Variants in WDR70 observed in about 807,000 individuals in gnomAD.
The protein encoded by WDR70 is WD repeat domain 70, also known as WD repeat-containing protein 70.
A neutral mutation model predicts 88.6 loss-of-function variants in WDR70; 53 were observed. The ratio of observed to expected loss-of-function variants is 0.60; its 90% CI spans 0.48 to 0.75. WDR70 has a LOEUF of 0.75. Among genes scored for constraint, WDR70 ranks in the 30% least tolerant of loss-of-function variants. The pLI is 0.00. For missense variants in WDR70, 610 were observed against 823.2 expected (o/e 0.74, Z 3.17); for synonymous variants, 280 against 270.0 (o/e 1.04, Z -0.36).
intron 9 of WDR70, among the ~76,000 whole-genome samples, chr5:37,524,819 G>A (rs958362986): frequency 2.0e-5 from 3 of 151,968 alleles, no homozygotes; most frequent in Non-Finnish European, 4.4e-5. Context: ...AAAAAGGTAG[G>A]GGTTGGAATC....
Position 37,479,901 on chromosome 5 carries a change from C to T in WDR70, c.754C>T (p.Gln252Ter). Residue 252 changes from glutamine (Q) to a stop codon, truncating the protein, a stop_gained, in exon 8 of 18, where the codon CAG becomes TAG. Transcript: ENST00000265107. LOFTEE classifies it high-confidence loss of function. ...GATTCTTGTTGTATCTGGAAGCTCT[C>T]AGGCCAAGGTGATTGACAGAGATGG... ...DMILVVSGSS[Q>*]AKVIDRDGFE... The T allele has an allele frequency of 6.2e-7, 1 of 1,614,126 alleles. No homozygotes were observed. Among genetic ancestry groups the T allele is most frequent in the Non-Finnish European group, 8.5e-7 (1 of 1,180,016 alleles).
chr5:37,408,221 C>T (rs1374264166), intron 5 of WDR70, among the ~76,000 whole-genome samples: 1 of 151,948 alleles, frequency 6.6e-6, no homozygotes, highest in African/African-American at 2.4e-5. Context: ...CCTGTAATCC[C>T]AGCACTTTGG....
At chr5:37,575,489 G>A (rs1743026366) in intron 9 of WDR70, among the ~76,000 whole-genome samples, 1 of 152,128 alleles carries the variant, frequency 6.6e-6, no homozygotes, top group African/African-American at 2.4e-5. Context: ...CATCCTCCAG[G>A]GAGAGGAGTG....
chr5:37,685,032 A>G (rs1162141008), intron 10 of WDR70, among the ~76,000 whole-genome samples: 1 of 152,060 alleles, frequency 6.6e-6, no homozygotes, highest in East Asian at 1.9e-4. Flanking sequence ...GTGCATGTTC[A>G]TGCAGCCAGG....
intron 5 of WDR70, among the ~76,000 whole-genome samples, chr5:37,419,259 T>C (rs990530042): frequency 2.7e-5 from 4 of 150,814 alleles, no homozygotes; most frequent in African/African-American, 9.8e-5. Flanking sequence ...CAGGCTGGAG[T>C]GCAGTGGCGC....
chr5:37,472,216 C>T (rs995403059), intron 7 of WDR70, among the ~76,000 whole-genome samples: 3 of 151,984 alleles, frequency 2.0e-5, no homozygotes, highest in Admixed American at 6.5e-5. Flanking sequence ...TTTGCATACA[C>T]TTGCATAAGT....
intron 4 of WDR70, among the ~76,000 whole-genome samples, chr5:37,394,102 C>G (rs537617122): frequency 6.6e-6 from 1 of 151,754 alleles, no homozygotes; most frequent in Non-Finnish European, 1.5e-5. Flanking sequence ...GTCAGGAGTT[C>G]GAGACCAGCC....
At chr5:37,679,031 T>C (rs1468122183) in intron 10 of WDR70, among the ~76,000 whole-genome samples, 2 of 152,278 alleles carry the variant, frequency 1.3e-5, no homozygotes, top group African/African-American at 4.8e-5. Context: ...CATCAGCTCC[T>C]GAGGCTTCTG....
intron 10 of WDR70, among the ~76,000 whole-genome samples, chr5:37,693,775 T>C (rs1347782854): frequency 5.3e-5 from 8 of 152,008 alleles, no homozygotes; most frequent in Admixed American, 2.0e-4. Flanking sequence ...CTAGGCAATA[T>C]CATTCAGGAC....
At chr5:37,562,332 G>A (rs1742531952) in intron 9 of WDR70, among the ~76,000 whole-genome samples, 1 of 152,184 alleles carries the variant, frequency 6.6e-6, no homozygotes, top group Admixed American at 6.5e-5. Context: ...CTCCAGCCTG[G>A]CTGACAGAGT....
At chr5:37,407,245 C>T (rs899109749) in intron 5 of WDR70, among the ~76,000 whole-genome samples, 7 of 151,972 alleles carry the variant, frequency 4.6e-5, no homozygotes, top group African/African-American at 7.3e-5. Context: ...TAAGTCAGGC[C>T]GGTGTAGTGT....
intron 10 of WDR70, among the ~76,000 whole-genome samples, chr5:37,606,811 A>G (rs149316033): frequency 0.011 from 1,684 of 151,886 alleles, 39 homozygotes; most frequent in African/African-American, 0.039. Context: ...AAACAAATCA[A>G]GTTGAAAAGA....
At chr5:37,653,964 G>C (rs866994602) in intron 10 of WDR70, among the ~76,000 whole-genome samples, 4 of 152,004 alleles carry the variant, frequency 2.6e-5, no homozygotes, top group Non-Finnish European at 4.4e-5. Context: ...TCTGATCTTA[G>C]TTATTTCTGG....
At position 37,726,922 on chromosome 5, in the gene WDR70, C is replaced by T. The variant is rs1178685766; in HGVS notation, c.1754C>T (p.Ser585Phe). 2.5e-6 allele frequency: 4 copies of T among 1,604,760 alleles called. No individual in the cohort carries two copies. Among genetic ancestry groups the T allele is most frequent in the Non-Finnish European group, 3.4e-6 (4 of 1,177,146 alleles). The change falls in exon 17 of 18, where the codon TCT becomes TTT. Residue 585 changes from serine (S) to phenylalanine (F), a missense_variant. Transcript: ENST00000265107. ...GRVGTHGGTL[S>F]SYIVKNIALD... ...GTTGGAACCCACGGGGGCACTCTCTCTTCCTATATTGTGAAGAACATTGCT... is the reference window on the plus strand; with the variant it reads ...GTTGGAACCCACGGGGGCACTCTCTTTTCCTATATTGTGAAGAACATTGCT...
chr5:37,534,000 T>C (rs917665432), intron 9 of WDR70, among the ~76,000 whole-genome samples: 1 of 152,170 alleles, frequency 6.6e-6, no homozygotes, highest in African/African-American at 2.4e-5. Flanking sequence ...GCAGTGGTGA[T>C]CCAGTTACCT....
In WDR70 at chr5:37,695,568, A is replaced by C. The variant is rs190851850; in HGVS notation, c.1093-2087A>C. On this transcript the variant is annotated intron_variant, in intron 10 of 17. Transcript: ENST00000265107. ...TCTTTCAAGCTCATTGGTTGTTGGCAGGACTCAGATCCCTGTTTCCTTGAC... is the reference window on the plus strand; with the variant it reads ...TCTTTCAAGCTCATTGGTTGTTGGCCGGACTCAGATCCCTGTTTCCTTGAC... 1.2e-3 allele frequency among the ~76,000 whole-genome samples: 187 copies of C among 152,294 alleles called. 1 individual carries two copies. The highest frequency in any genetic ancestry group is 1.6e-3 in the Non-Finnish European group (110 of 68,018).
At chr5:37,576,225 A>G (rs774560200) in intron 9 of WDR70, among the ~76,000 whole-genome samples, 6 of 148,600 alleles carry the variant, frequency 4.0e-5, no homozygotes, top group South Asian at 4.3e-4. Flanking sequence ...GCTCCTTCCT[A>G]CCTCACTGAC....
chr5:37,700,836 C>CT (rs1437315987), intron 11 of WDR70, among the ~76,000 whole-genome samples: 3 of 152,174 alleles, frequency 2.0e-5, no homozygotes, highest in Admixed American at 6.5e-5. Flanking sequence ...TTCAACTGCT[C>CT]TTGCGACTAC....
At chr5:37,398,222 G>A (rs1749086089) in intron 5 of WDR70, among the ~76,000 whole-genome samples, 1 of 151,292 alleles carries the variant, frequency 6.6e-6, no homozygotes, top group Non-Finnish European at 1.5e-5. Context: ...CTGAGTAGCT[G>A]AGACTACAGG....
Sources: allele counts gnomAD v4.1 joint callset (sites outside exome capture counted in the v4.1 genomes callset), GRCh38; gene constraint gnomAD v4.1.1; transcripts MANE v1.5; gene names NCBI Gene and HGNC (gene_info 2026-07-23, HGNC 2026-07-21).